The following DIAPH3 variants were observed in gnomAD, a reference collection of about 807,000 sequenced individuals.
DIAPH3 encodes the protein protein diaphanous homolog 3.
DIAPH3 carries 117 observed loss-of-function variants against 144.3 expected under a neutral mutation model. The ratio of observed to expected loss-of-function variants is 0.81; its 90% CI spans 0.70 to 0.95. The LOEUF (loss-of-function observed/expected upper bound fraction) is 0.95. Ranked by LOEUF, DIAPH3 falls within the 40% of genes least tolerant of loss-of-function variation. The pLI, the probability that DIAPH3 is intolerant of heterozygous loss-of-function variation, is 0.00. For missense variants in DIAPH3, 1,421 were observed against 1,412.7 expected (o/e 1.01, Z -0.09); for synonymous variants, 519 against 488.9 (o/e 1.06, Z -0.81).
At chr13:59,753,845 G>T (rs997163919) in intron 27 of DIAPH3, among the ~76,000 whole-genome samples, 7 of 152,124 alleles carry the variant, frequency 4.6e-5, no homozygotes, top group African/African-American at 1.2e-4. Flanking sequence ...CAAAAACAGC[G>T]TTAGCTTTTA....
At chr13:59,988,331 A>G (rs1342544210) in intron 12 of DIAPH3, among the ~76,000 whole-genome samples, 1 of 151,930 alleles carries the variant, frequency 6.6e-6, no homozygotes, top group Non-Finnish European at 1.5e-5. Context: ...CATCTATTAC[A>G]TTTAAAAATC....
At chr13:59,839,649 G>A (rs562498226) in intron 22 of DIAPH3, among the ~76,000 whole-genome samples, 2 of 152,078 alleles carry the variant, frequency 1.3e-5, no homozygotes, top group South Asian at 2.1e-4. Context: ...TCTTTAAAAC[G>A]TAAGACAAAA....
chr13:59,864,233 G>C (rs1050716615), intron 21 of DIAPH3, among the ~76,000 whole-genome samples: 44 of 151,982 alleles, frequency 2.9e-4, no homozygotes, highest in African/African-American at 9.7e-4. Flanking sequence ...TCTTAAATAG[G>C]TAAGGCCAGA....
At chr13:59,811,564 C>G (rs1168829144) in intron 24 of DIAPH3, among the ~76,000 whole-genome samples, 2 of 151,866 alleles carry the variant, frequency 1.3e-5, no homozygotes, top group Non-Finnish European at 2.9e-5. Context: ...TGGTGCAACT[C>G]TGTCTCTACT....
chr13:60,066,680 T>G (rs1171864568), intron 4 of DIAPH3, among the ~76,000 whole-genome samples: 3 of 152,240 alleles, frequency 2.0e-5, no homozygotes, highest in Non-Finnish European at 4.4e-5. Flanking sequence ...CAGGCTGAGA[T>G]TAAAAATTAC....
chr13:59,935,234 G>A (rs745364943), intron 17 of DIAPH3, among the ~76,000 whole-genome samples: 10 of 152,222 alleles, frequency 6.6e-5, no homozygotes, highest in Non-Finnish European at 1.3e-4. Context: ...GAGTATGTGT[G>A]GATTTTAGTA....
At chr13:59,970,618 ACT>A (rs927219762) in intron 16 of DIAPH3, among the ~76,000 whole-genome samples, 4 of 152,016 alleles carry the variant, frequency 2.6e-5, no homozygotes, top group Non-Finnish European at 5.9e-5. Flanking sequence ...AACAACATCA[ACT>A]CTCACTGTAT....
At chr13:60,065,167 C>T (rs768726134) in intron 4 of DIAPH3, among the ~76,000 whole-genome samples, 1 of 144,546 alleles carries the variant, frequency 6.9e-6, no homozygotes, top group Non-Finnish European at 1.5e-5. Flanking sequence ...AAATGTGACA[C>T]AGAAATATGA....
At chr13:59,785,766 C>T (rs1478537889) in intron 25 of DIAPH3, among the ~76,000 whole-genome samples, 3 of 152,148 alleles carry the variant, frequency 2.0e-5, no homozygotes, top group Non-Finnish European at 2.9e-5. Context: ...CTAGAAGTGG[C>T]CGTGTGATGC....
chr13:60,076,944 A>C (rs1339604292), intron 4 of DIAPH3, among the ~76,000 whole-genome samples: 1 of 152,168 alleles, frequency 6.6e-6, no homozygotes, highest in Non-Finnish European at 1.5e-5. Context: ...TAATGTGAGA[A>C]GTATATATAA....
intron 5 of DIAPH3, among the ~76,000 whole-genome samples, chr13:60,039,156 A>G (rs2055448900): frequency 6.6e-6 from 1 of 152,054 alleles, no homozygotes; most frequent in Non-Finnish European, 1.5e-5. Flanking sequence ...TGATTTTCAC[A>G]TAATTCATAG....
In DIAPH3 at chr13:59,971,117, G is replaced by C. The variant is rs2050346873; in HGVS notation, c.1694C>G (p.Ser565Cys). ...PADCNIPLPP[S>C]KEGGTGHSAL... Reference sequence around the variant, plus strand: ...TGAGTGGCCAGTTCCACCTTCTTTAGAGGGAGGCAAAGGAATATTACAATC... The same window carrying C: ...TGAGTGGCCAGTTCCACCTTCTTTACAGGGAGGCAAAGGAATATTACAATC... Residue 565 changes from serine (S) to cysteine (C), a missense_variant, in exon 16 of 28, where the codon TCT becomes TGT. Transcript: ENST00000400324. 2 of 1,604,710 alleles carry C rather than the reference G, an allele frequency of 1.2e-6. No homozygotes were observed. The highest frequency in any genetic ancestry group is 1.7e-6 in the Non-Finnish European group (2 of 1,174,982).
chr13:59,991,106 T>C, intron 12 of DIAPH3, 52 bp downstream of exon 12: 1 of 1,164,216 alleles, frequency 8.6e-7, no homozygotes, highest in Middle Eastern at 2.1e-4. Context: ...AATTTCACAA[T>C]TAATAGATTT....
chr13:59,897,469 G>A (rs928593839), intron 20 of DIAPH3, among the ~76,000 whole-genome samples: 2 of 151,708 alleles, frequency 1.3e-5, no homozygotes, highest in Non-Finnish European at 2.9e-5. Context: ...GTGGGTGCTG[G>A]CCGGGCACGG....
At chr13:59,818,517 ATTAT>A (rs2139615118) in intron 24 of DIAPH3, among the ~76,000 whole-genome samples, 1 of 151,352 alleles carries the variant, frequency 6.6e-6, no homozygotes, top group Non-Finnish European at 1.5e-5. Flanking sequence ...CTGCAGCTTC[ATTAT>A]TTATTTGAAG....
At chr13:59,754,019 T>A (rs1350723437) in intron 27 of DIAPH3, among the ~76,000 whole-genome samples, 3 of 152,172 alleles carry the variant, frequency 2.0e-5, no homozygotes, top group African/African-American at 7.2e-5. Context: ...ACTTTTTAGC[T>A]ATTCAACCAA....
chr13:59,816,026 T>C (rs2040753528), intron 24 of DIAPH3, among the ~76,000 whole-genome samples: 1 of 152,098 alleles, frequency 6.6e-6, no homozygotes, highest in Non-Finnish European at 1.5e-5. Context: ...GTTCTTGTTT[T>C]GAAATCTGAA....
At chr13:60,113,790 A>C (rs1292287987) in intron 2 of DIAPH3, among the ~76,000 whole-genome samples, 4 of 152,232 alleles carry the variant, frequency 2.6e-5, no homozygotes, top group Non-Finnish European at 5.9e-5. Context: ...AAGCCAGCCA[A>C]ATATTTAAGG....
chr13:59,859,938 G>T (rs933618822), intron 22 of DIAPH3, among the ~76,000 whole-genome samples: 4 of 152,086 alleles, frequency 2.6e-5, no homozygotes, highest in African/African-American at 9.7e-5. Flanking sequence ...ACATTTTCAG[G>T]TTGCAGAGGG....
Sources: gnomAD v4.1 joint callset for allele counts (sites outside exome capture counted in the v4.1 genomes callset) on GRCh38, gnomAD v4.1.1 for gene constraint, MANE v1.5 for transcripts, NCBI Gene and HGNC (gene_info 2026-07-23, HGNC 2026-07-21) for gene names.